Variants in BLTP3A observed in about 807,000 individuals in gnomAD.
BLTP3A encodes the protein bridge-like lipid transfer protein family member 3A, also known as ICBP90 binding protein 1.
At chr6:34,868,037 G>GT in the BLTP3A span, among the ~76,000 whole-genome samples, 1 of 152,120 alleles carries the variant, frequency 6.6e-6, no homozygotes, top group East Asian at 1.9e-4. Flanking sequence ...GCTGGGCGCG[G>GT]GGCTCATGCC....
At chr6:34,858,915 T>C in the BLTP3A span, 2 of 1,614,154 alleles carry the variant, frequency 1.2e-6, no homozygotes, top group Non-Finnish European at 8.5e-7. Context: ...AGCAGCTGAC[T>C]AAGGATACAG....
chr6:34,869,900 C>T, the BLTP3A span, among the ~76,000 whole-genome samples: 2 of 152,262 alleles, frequency 1.3e-5, no homozygotes, highest in Admixed American at 1.3e-4. Flanking sequence ...CCACCCGCCT[C>T]AGCCTCCCAA....
the BLTP3A span, among the ~76,000 whole-genome samples, chr6:34,798,740 G>A: frequency 6.6e-6 from 1 of 151,500 alleles, no homozygotes; most frequent in Non-Finnish European, 1.5e-5. Flanking sequence ...ATCTTTTTTG[G>A]AGTAATGTTC....
chr6:34,864,522 C>CTTTTTTTTTTTTTTT, the BLTP3A span, among the ~76,000 whole-genome samples: 1 of 109,456 alleles, frequency 9.1e-6, no homozygotes, highest in African/African-American at 3.5e-5. Flanking sequence ...TGCTTATAGT[C>CTTTTTTTTTTTTTTT]TTTTTTTTTT....
chr6:34,799,125 A>G, the BLTP3A span, among the ~76,000 whole-genome samples: 2 of 151,986 alleles, frequency 1.3e-5, no homozygotes, highest in African/African-American at 4.8e-5. Flanking sequence ...TATTTTTAGT[A>G]GAGACAGGGT....
At chr6:34,841,434 CA>C in the BLTP3A span, among the ~76,000 whole-genome samples, 1 of 152,130 alleles carries the variant, frequency 6.6e-6, no homozygotes, top group Non-Finnish European at 1.5e-5. Flanking sequence ...ATTAAATTGC[CA>C]CATGCAGCTA....
the BLTP3A span, chr6:34,823,483 A>T: frequency 4.6e-6 from 3 of 655,702 alleles, no homozygotes; most frequent in Non-Finnish European, 8.1e-6. Flanking sequence ...AAGAACCTCC[A>T]TATACCCAAG....
chr6:34,869,640 CTTTTTTTTTTTTTTTTT>C, the BLTP3A span, among the ~76,000 whole-genome samples: 1 of 81,532 alleles, frequency 1.2e-5, no homozygotes, highest in Admixed American at 1.3e-4. Flanking sequence ...ACATACACCA[CTTTTTTTTTTTTTTTTT>C]TTTTTTTTTT....
the BLTP3A span, among the ~76,000 whole-genome samples, chr6:34,828,222 G>A: frequency 6.6e-6 from 1 of 152,166 alleles, no homozygotes; most frequent in South Asian, 2.1e-4. Flanking sequence ...GGAGGCTGAG[G>A]TGGGCAGATC....
the BLTP3A span, among the ~76,000 whole-genome samples, chr6:34,862,758 C>A: frequency 1.3e-5 from 2 of 150,076 alleles, no homozygotes; most frequent in Admixed American, 6.6e-5. Context: ...TGCTTGAACC[C>A]AGGAGGTGGA....
At chr6:34,820,711 C>G in the BLTP3A span, among the ~76,000 whole-genome samples, 4 of 149,224 alleles carry the variant, frequency 2.7e-5, no homozygotes, top group Non-Finnish European at 4.4e-5. Flanking sequence ...GGGTCTTGCT[C>G]TGTCATCTCA....
At chr6:34,834,539 G>C in the BLTP3A span, 1 of 1,387,002 alleles carries the variant, frequency 7.2e-7, no homozygotes. Flanking sequence ...AGGCCTTTCT[G>C]TCCAGTGTTA....
chr6:34,854,151 AG>A, the BLTP3A span, among the ~76,000 whole-genome samples: 2 of 152,114 alleles, frequency 1.3e-5, no homozygotes, highest in Non-Finnish European at 2.9e-5. Context: ...GACCCCAGGA[AG>A]CAGAGGTTGC....
At chr6:34,816,519 G>A in the BLTP3A span, among the ~76,000 whole-genome samples, 2 of 152,222 alleles carry the variant, frequency 1.3e-5, no homozygotes, top group African/African-American at 4.8e-5. Flanking sequence ...GCTGAGATTG[G>A]GAGGGTCACT....
At chr6:34,844,894 G>A in the BLTP3A span, among the ~76,000 whole-genome samples, 1 of 152,132 alleles carries the variant, frequency 6.6e-6, no homozygotes, top group Non-Finnish European at 1.5e-5. Context: ...ATGGTTGCTT[G>A]TACCTTGGGA....
the BLTP3A span, chr6:34,835,305 C>T: frequency 6.2e-7 from 1 of 1,613,866 alleles, no homozygotes; most frequent in Non-Finnish European, 8.5e-7. Context: ...CCAAAGATTG[C>T]AATGTGATAT....
At chr6:34,804,487 G>A in the BLTP3A span, among the ~76,000 whole-genome samples, 13 of 152,118 alleles carry the variant, frequency 8.5e-5, no homozygotes, top group Non-Finnish European at 1.9e-4. Context: ...GGGTTGGAGT[G>A]GGGAGTGGCA....
At chr6:34,812,043 G>A in the BLTP3A span, among the ~76,000 whole-genome samples, 1 of 151,582 alleles carries the variant, frequency 6.6e-6, no homozygotes, top group East Asian at 2.0e-4. Flanking sequence ...AGAAAAAAGA[G>A]TTAAGCCAGG....
At chr6:34,844,887 G>T in the BLTP3A span, among the ~76,000 whole-genome samples, 1 of 152,118 alleles carries the variant, frequency 6.6e-6, no homozygotes, top group Admixed American at 6.6e-5. Context: ...TTTTGCCATG[G>T]TTGCTTGTAC....
Sources: gnomAD v4.1 joint callset for allele counts (sites outside exome capture counted in the v4.1 genomes callset) on GRCh38, gnomAD v4.1.1 for gene constraint, MANE v1.5 for transcripts, NCBI Gene and HGNC (gene_info 2026-07-23, HGNC 2026-07-21) for gene names.